Variants in TBP observed in about 807,000 individuals in gnomAD.
TBP encodes TATA-box binding protein.
TBP carries 12 observed loss-of-function variants against 46.2 expected under a neutral mutation model. The ratio of observed to expected loss-of-function variants is 0.26; its 90% CI spans 0.17 to 0.42. TBP has a LOEUF of 0.42. Ranked by LOEUF, TBP falls within the 10% of genes least tolerant of loss-of-function variation. The pLI is 1.00. For missense variants in TBP, 229 were observed against 403.1 expected (o/e 0.57, Z 3.70); for synonymous variants, 157 against 148.3 (o/e 1.06, Z -0.42).
intron 5 of TBP, among the ~76,000 whole-genome samples, chr6:170,567,986 A>G (rs1449457794): frequency 1.3e-5 from 2 of 152,234 alleles, no homozygotes; most frequent in Admixed American, 1.3e-4. Context: ...GGAGGTATCA[A>G]CACATAGAAG....
intron 2 of TBP, 79 bp downstream of exon 2, chr6:170,557,162 A>G: frequency 1.5e-6 from 2 of 1,328,440 alleles, no homozygotes; most frequent in Non-Finnish European, 2.2e-6. Flanking sequence ...AAGGAAGGGC[A>G]TTTAATGATC....
Position 170,572,406 on chromosome 6 carries a change from C to A in TBP, c.*141C>A, listed in dbSNP as rs1012067650. Reference sequence around the variant, plus strand: ...GGGTGTGGCACCAGGTGATGCCCTTCTGTAAGTGCCCACCGCGGGATGCCG... The same window carrying A: ...GGGTGTGGCACCAGGTGATGCCCTTATGTAAGTGCCCACCGCGGGATGCCG... On this transcript the variant is annotated 3_prime_UTR_variant, in exon 8 of 8. Coordinates refer to ENST00000392092, the MANE Select transcript of TBP (RefSeq NM_003194.5). The A allele has an allele frequency of 1.3e-5, 9 of 700,046 alleles. No homozygotes were observed. The African/African-American group carries it at 1.6e-4, about 13-fold the overall frequency. 43.4% of individuals were successfully genotyped at this position (700,046 alleles called of 1,614,324 possible). A position where few individuals can be genotyped will look rare whatever the true frequency, so the allele number is the denominator to read the frequency against.
rs559386285 is a variant in TBP at position 170,561,922 on chromosome 6, A to G, written c.186A>G (p.Gln62=). The part of the protein sequence containing the change: ...LEEQQRQQQQ[Q]QQQQQQQQQQ... ...AGCAACAAAGGCAGCAGCAGCAACA[A>G]CAACAGCAGCAGCAGCAGCAGCAGC... Residue 62 remains glutamine (Q), a synonymous_variant, in exon 3 of 8, where the codon CAA becomes CAG. Coordinates refer to ENST00000392092, the MANE Select transcript of TBP (RefSeq NM_003194.5). 28 of 1,477,742 alleles carry G rather than the reference A, an allele frequency of 1.9e-5. No homozygotes were observed. Among genetic ancestry groups the G allele is most frequent in the South Asian group, 2.3e-5 (2 of 87,556 alleles). 91.5% of individuals were successfully genotyped at this position (1,477,742 alleles called of 1,614,324 possible).
rs1779387002 is a variant in TBP, at chr6:170,572,691, T to G, written c.*426T>G. 1 of 172,600 alleles carries G rather than the reference T, an allele frequency of 5.8e-6. No homozygotes were observed. The highest frequency in any genetic ancestry group is 1.6e-4 in the South Asian group (1 of 6,310). 10.7% of individuals were successfully genotyped at this position (172,600 alleles called of 1,614,324 possible). ...GAAAAGTAAAAATCTTTTTTAAAAG[T>G]GTTGTTTTTCTAATTTATAACTCCT... On this transcript the variant is annotated 3_prime_UTR_variant, in exon 8 of 8. Coordinates refer to ENST00000392092, the MANE Select transcript of TBP (RefSeq NM_003194.5).
At chr6:170,554,923 A>G (rs1416148127) in intron 1 of TBP, among the ~76,000 whole-genome samples, 1 of 151,982 alleles carries the variant, frequency 6.6e-6, no homozygotes, top group East Asian at 1.9e-4. Context: ...GATATAATAC[A>G]CACCACTTTA....
intron 2 of TBP, among the ~76,000 whole-genome samples, chr6:170,559,703 T>C (rs1480939914): frequency 6.6e-6 from 1 of 152,234 alleles, no homozygotes; most frequent in African/African-American, 2.4e-5. Flanking sequence ...AGATAATTGA[T>C]GAAGGTGACT....
chr6:170,560,660 C>T (rs914601809), intron 2 of TBP, among the ~76,000 whole-genome samples: 5 of 152,138 alleles, frequency 3.3e-5, no homozygotes, highest in Non-Finnish European at 5.9e-5. Flanking sequence ...TTCCAACCCT[C>T]GTGGATGACT....
rs1779380174 is a variant in TBP at position 170,572,320 on chromosome 6, A to G, written c.*55A>G. 1.4e-6 allele frequency: 2 copies of G among 1,398,402 alleles called. No individual in the cohort carries two copies. Among genetic ancestry groups the G allele is most frequent in the African/African-American group, 1.5e-5 (1 of 68,664 alleles). 86.6% of individuals were successfully genotyped at this position (1,398,402 alleles called of 1,614,324 possible). A position where few individuals can be genotyped will look rare whatever the true frequency, so the allele number is the denominator to read the frequency against. ...CCCCTTCTTTTTTTTTTTTTAAACA[A>G]ATCAGTTTGTTTTGGTACCTTTAAA... is the stretch of plus-strand genomic sequence containing the variant. On this transcript the variant is annotated 3_prime_UTR_variant, in exon 8 of 8. Transcript: ENST00000392092.
rs1037075133 is a variant in TBP, at chr6:170,556,893, C to A, written c.-137C>A. On this transcript the variant is annotated 5_prime_UTR_variant, in exon 2 of 8. Coordinates refer to ENST00000392092, the MANE Select transcript of TBP (RefSeq NM_003194.5). Reference sequence around the variant, plus strand: ...TTTTTCCAAAGCAGCATCACTGTTTCTTGGCGTGTGAAGATAACCCAAGGA... The same window carrying A: ...TTTTTCCAAAGCAGCATCACTGTTTATTGGCGTGTGAAGATAACCCAAGGA... The A allele has an allele frequency of 1.1e-5, 9 of 805,148 alleles. No individual in the cohort carries two copies. Among genetic ancestry groups the A allele is most frequent in the African/African-American group, 5.2e-5 (3 of 58,234 alleles). The allele number at this position is 805,148 out of a possible 1,614,324, so 49.9% of individuals were successfully genotyped here.
In TBP at chr6:170,568,794, CTTCT is replaced by C. The variant is rs1554246725; in HGVS notation, c.678-806_678-803del. On this transcript the variant is annotated intron_variant, in intron 5 of 7. Coordinates refer to ENST00000392092, the MANE Select transcript of TBP (RefSeq NM_003194.5). ...TCTCTTTTATTTTTTCTTTTTTTCTCTTCTTTCTTTCTTTCCTTTTCTTTTTTTT... is the reference window on the plus strand; with the variant it reads ...TCTCTTTTATTTTTTCTTTTTTTCTCTTCTTTCTTTCCTTTTCTTTTTTTT... 4.9e-4 allele frequency among the ~76,000 whole-genome samples: 28 copies of C among 57,436 alleles called. 2 individuals are homozygous for C. The highest frequency in any genetic ancestry group is 3.3e-4 in the Non-Finnish European group (10 of 30,086). 37.7% of individuals were successfully genotyped at this position (57,436 alleles called of 152,430 possible). A position where few individuals can be genotyped will look rare whatever the true frequency, so the allele number is the denominator to read the frequency against.
intron 3 of TBP, among the ~76,000 whole-genome samples, chr6:170,563,043 A>G (rs1275845347): frequency 2.0e-5 from 3 of 152,116 alleles, no homozygotes; most frequent in African/African-American, 7.2e-5. Context: ...AGTGGTGTGT[A>G]ATCGTGGATG....
At chr6:170,571,089 T>C (rs905528190) in intron 6 of TBP, among the ~76,000 whole-genome samples, 4 of 152,206 alleles carry the variant, frequency 2.6e-5, no homozygotes, top group African/African-American at 7.2e-5. Context: ...CTGCATTAGA[T>C]ATCATTATAT....
chr6:170,565,915 A>G (rs1779236830), intron 4 of TBP, among the ~76,000 whole-genome samples: 1 of 152,060 alleles, frequency 6.6e-6, no homozygotes, highest in Admixed American at 6.5e-5. Flanking sequence ...TCATCAGAAA[A>G]TTTAAAAAAT....
chr6:170,557,983 T>C (rs927350421), intron 2 of TBP, among the ~76,000 whole-genome samples: 1 of 151,994 alleles, frequency 6.6e-6, no homozygotes, highest in Non-Finnish European at 1.5e-5. Flanking sequence ...GGAATCAGAG[T>C]GTATGCTTTT....
intron 1 of TBP, among the ~76,000 whole-genome samples, chr6:170,556,176 T>C (rs1331635493): frequency 1.3e-5 from 2 of 152,232 alleles, no homozygotes; most frequent in East Asian, 1.9e-4. Context: ...TTTGGACATA[T>C]AATTTGTAAC....
At chr6:170,559,228 T>G (rs981107139) in intron 2 of TBP, among the ~76,000 whole-genome samples, 12 of 152,192 alleles carry the variant, frequency 7.9e-5, no homozygotes, top group Non-Finnish European at 1.8e-4. Context: ...AGTGTTCAGA[T>G]GAAGGGAAGA....
intron 2 of TBP, among the ~76,000 whole-genome samples, chr6:170,558,738 G>A (rs111938894): frequency 1.4e-5 from 2 of 146,472 alleles, no homozygotes; most frequent in South Asian, 2.1e-4. Flanking sequence ...CTGTTGCCCA[G>A]GCTGGAGTGC....
At chr6:170,559,823 T>G (rs893056214) in intron 2 of TBP, among the ~76,000 whole-genome samples, 5 of 152,234 alleles carry the variant, frequency 3.3e-5, no homozygotes, top group Admixed American at 6.5e-5. Context: ...GCCTCAAAGC[T>G]TCAGAGGACT....
intron 4 of TBP, among the ~76,000 whole-genome samples, chr6:170,565,454 A>T (rs112141011): frequency 1.3e-5 from 2 of 152,200 alleles, no homozygotes; most frequent in South Asian, 2.1e-4. Flanking sequence ...CTTAGGGTGC[A>T]TTTTAAAATC....
Sources: gnomAD v4.1 joint callset for allele counts (sites outside exome capture counted in the v4.1 genomes callset) on GRCh38, gnomAD v4.1.1 for gene constraint, MANE v1.5 for transcripts, NCBI Gene and HGNC (gene_info 2026-07-23, HGNC 2026-07-21) for gene names.